KCNG3: variants seen among roughly 807,000 people sequenced by gnomAD.
KCNG3 encodes voltage-gated potassium channel regulatory subunit KCNG3.
In KCNG3, 15 loss-of-function variants were observed where a neutral mutation model predicts 29.0. The observed-to-expected ratio is 0.52, with a 90% CI of 0.35 to 0.80. The LOEUF is 0.80. Ranked by LOEUF, KCNG3 falls within the 30% of genes least tolerant of loss-of-function variation. The pLI is 0.01. For missense variants in KCNG3, 512 were observed against 605.7 expected (o/e 0.85, Z 1.62); for synonymous variants, 322 against 248.9 (o/e 1.29, Z -2.76).
chr2:42,436,301 T>G, the KCNG3 span, among the ~76,000 whole-genome samples: 1 of 152,170 alleles, frequency 6.6e-6, no homozygotes, highest in Admixed American at 6.5e-5. Context: ...AGTTAGATAG[T>G]GGTGATGGTT....
intron 1 of KCNG3, among the ~76,000 whole-genome samples, chr2:42,485,994 A>G (rs2103737074): frequency 1.3e-5 from 2 of 152,370 alleles, no homozygotes; most frequent in Middle Eastern, 3.4e-3. Flanking sequence ...CAGGTGAGAC[A>G]GTCCTCTCAA....
chr2:42,409,051 C>A, the KCNG3 span, among the ~76,000 whole-genome samples: 1 of 152,158 alleles, frequency 6.6e-6, no homozygotes, highest in African/African-American at 2.4e-5. Context: ...CCCACTGCAG[C>A]AGCCAGCATG....
the KCNG3 span, among the ~76,000 whole-genome samples, chr2:42,413,204 T>C: frequency 6.6e-6 from 1 of 152,164 alleles, no homozygotes; most frequent in Admixed American, 6.5e-5. Flanking sequence ...AGGGTCTCAC[T>C]ACATTGCCCA....
chr2:42,400,422 T>C, the KCNG3 span, among the ~76,000 whole-genome samples: 1 of 152,144 alleles, frequency 6.6e-6, no homozygotes, highest in Non-Finnish European at 1.5e-5. Context: ...TCTATCCCAT[T>C]TGCCATCCCT....
At chr2:42,437,584 G>A (rs1267498016), downstream of KCNG3, among the ~76,000 whole-genome samples, 1 of 152,018 alleles carries the variant, frequency 6.6e-6, no homozygotes, top group African/African-American at 2.4e-5. Context: ...TAAAAGCGTG[G>A]ATATGGTTTA....
chr2:42,429,643 A>G, the KCNG3 span, among the ~76,000 whole-genome samples: 1 of 152,104 alleles, frequency 6.6e-6, no homozygotes, highest in African/African-American at 2.4e-5. Flanking sequence ...CTTCCTTCTA[A>G]AAGAAACTGC....
chr2:42,407,158 T>C, the KCNG3 span, among the ~76,000 whole-genome samples: 1 of 151,702 alleles, frequency 6.6e-6, no homozygotes, highest in Non-Finnish European at 1.5e-5. Context: ...ATTAATATCA[T>C]TGTTTTTATC....
At chr2:42,482,804 T>C (rs902121880) in intron 1 of KCNG3, among the ~76,000 whole-genome samples, 4 of 151,900 alleles carry the variant, frequency 2.6e-5, no homozygotes, top group Non-Finnish European at 5.9e-5. Context: ...CTGCATTTTA[T>C]GGTATGTGAA....
chr2:42,426,672 A>G, the KCNG3 span, among the ~76,000 whole-genome samples: 1 of 152,264 alleles, frequency 6.6e-6, no homozygotes, highest in African/African-American at 2.4e-5. Flanking sequence ...TAAAGTCTTC[A>G]CATGTTGAAA....
At chr2:42,449,514 C>CTTTTTTTTTTTTTTTTT (rs36088470) in intron 1 of KCNG3, among the ~76,000 whole-genome samples, 3 of 99,446 alleles carry the variant, frequency 3.0e-5, no homozygotes, top group African/African-American at 1.1e-4. Flanking sequence ...ACTGAGATTT[C>CTTTTTTTTTTTTTTTTT]TTTTTTTTTT....
At chr2:42,413,371 G>C in the KCNG3 span, among the ~76,000 whole-genome samples, 1 of 152,088 alleles carries the variant, frequency 6.6e-6, no homozygotes, top group Non-Finnish European at 1.5e-5. Context: ...TATACTAATA[G>C]TGATCACAGA....
At chr2:42,403,914 C>G in the KCNG3 span, among the ~76,000 whole-genome samples, 2 of 152,080 alleles carry the variant, frequency 1.3e-5, no homozygotes, top group African/African-American at 2.4e-5. Flanking sequence ...CATTTATGTT[C>G]TTAAGATTGT....
intron 1 of KCNG3, among the ~76,000 whole-genome samples, chr2:42,461,679 A>T (rs1673021160): frequency 6.6e-6 from 1 of 152,142 alleles, no homozygotes; most frequent in African/African-American, 2.4e-5. Context: ...CCACCACCCC[A>T]ATGTACATAT....
At chr2:42,481,408 G>A (rs1673581431) in intron 1 of KCNG3, among the ~76,000 whole-genome samples, 1 of 152,104 alleles carries the variant, frequency 6.6e-6, no homozygotes, top group Non-Finnish European at 1.5e-5. Context: ...CTGTGAGCTA[G>A]CCAAGAAACC....
chr2:42,403,750 C>T, the KCNG3 span, among the ~76,000 whole-genome samples: 1,998 of 151,646 alleles, frequency 0.013, 41 homozygotes, highest in African/African-American at 0.045. Context: ...CAGGCGAGAG[C>T]CACCGTGCCT....
chr2:42,453,624 G>A lies in KCNG3; in HGVS notation c.666-9045C>T, dbSNP rs375992887. ...TGGTTTTTAATCCCTTGTCAGATAG[G>A]TAGTTTGCAAATATTTTCTCCCATT... On this transcript the variant is annotated intron_variant, in intron 1 of 1. Transcript: ENST00000306078. Among the ~76,000 whole-genome samples the A allele has an allele frequency of 4.6e-5, 7 of 152,136 alleles. No homozygotes were observed. The East Asian group carries it at 1.4e-3, about 29-fold the overall frequency.
chr2:42,444,378 C>T lies in KCNG3; in HGVS notation c.867G>A (p.Arg289=), dbSNP rs767700201. ...AAAAAATCCTCATCATTCTAAGTAC[C>T]CTCAAGGTGACTCCAGCCCTCTGGA... is the stretch of plus-strand genomic sequence containing the variant. ...SQLQRAGVTL[R]VLRMMRIFWV... The change falls in exon 2 of 2, where the codon AGG becomes AGA. Residue 289 remains arginine, a synonymous_variant. Coordinates refer to ENST00000306078, the MANE Select transcript of KCNG3 (RefSeq NM_133329.6). The surrounding 1 kb of genome is among the most constrained non-coding windows in gnomAD (Gnocchi z 5.8). 1 of 1,614,094 alleles carries T rather than the reference C, an allele frequency of 6.2e-7. No homozygotes were observed. The highest frequency in any genetic ancestry group is 1.1e-5 in the South Asian group (1 of 91,074).
the KCNG3 span, chr2:42,415,376 G>C: frequency 6.6e-6 from 1 of 152,088 alleles, no homozygotes; most frequent in Non-Finnish European, 1.5e-5. Context: ...CTTCCTATAG[G>C]AGGACTGTAT....
the KCNG3 span, among the ~76,000 whole-genome samples, chr2:42,431,082 G>C: frequency 1.3e-5 from 2 of 150,642 alleles, no homozygotes; most frequent in Non-Finnish European, 2.9e-5. Flanking sequence ...CTCCAGCCTG[G>C]GCAGACAAAG....
Sources: allele counts gnomAD v4.1 joint callset (sites outside exome capture counted in the v4.1 genomes callset), GRCh38; gene constraint gnomAD v4.1.1; non-coding constraint Gnocchi (gnomAD v3.1); transcripts MANE v1.5; gene names NCBI Gene and HGNC (gene_info 2026-07-23, HGNC 2026-07-21).